CATSPERB: variants seen among roughly 807,000 people sequenced by gnomAD.
CATSPERB encodes the protein catsper channel auxiliary subunit beta.
Under a neutral mutation model 128.3 loss-of-function variants are expected in CATSPERB, and 93 were observed. That is an observed-to-expected ratio of 0.72 (90% CI 0.61 to 0.86). CATSPERB has a LOEUF of 0.86. CATSPERB is among the 40% of genes least tolerant of loss of function. The pLI is 0.00. For synonymous variants in CATSPERB, 381 were observed against 448.8 expected (o/e 0.85, Z 1.91); for missense variants, 1,153 against 1,329.5 (o/e 0.87, Z 2.06).
chr14:91,621,495 G>A (rs1894040579), intron 19 of CATSPERB, 113 bp downstream of exon 19: 7 of 801,318 alleles, frequency 8.7e-6, no homozygotes, highest in Non-Finnish European at 1.4e-5. Flanking sequence ...GTAGTAGAAT[G>A]CCAACAAGTA....
rs533927584 is a variant in CATSPERB, at chr14:91,700,577, C to T, written c.616+3975G>A. On this transcript the variant is annotated intron_variant, in intron 7 of 26. Coordinates refer to ENST00000256343, the MANE Select transcript of CATSPERB (RefSeq NM_024764.4). Reference sequence around the variant, plus strand: ...TTCATAGGTTGTAAAGACATGGAATCGACCTAAGTACTCATCAATGGTGGA... The same window carrying T: ...TTCATAGGTTGTAAAGACATGGAATTGACCTAAGTACTCATCAATGGTGGA... 2.0e-5 allele frequency among the ~76,000 whole-genome samples: 3 copies of T among 152,094 alleles called. No individual in the cohort carries two copies. In the South Asian group the frequency reaches 6.2e-4, roughly 32 times the overall value.
Position 91,661,524 on chromosome 14 carries a change from C to CATATATATATATATATAT in CATSPERB, c.1288-1561_1288-1544dup, listed in dbSNP as rs58330624. Reference sequence around the variant, plus strand: ...ATTAAGCTGCTGAGTCAGATGCTATCATATATATATATATATATATATATT... The same window carrying CATATATATATATATATAT: ...ATTAAGCTGCTGAGTCAGATGCTATCATATATATATATATATATATATATATATATATATATATATATT... On this transcript the variant is annotated intron_variant, in intron 14 of 26. Coordinates refer to ENST00000256343, the MANE Select transcript of CATSPERB (RefSeq NM_024764.4). 8.1e-3 allele frequency among the ~76,000 whole-genome samples: 1,029 copies of CATATATATATATATATAT among 126,884 alleles called. 13 individuals carry two copies. Among genetic ancestry groups the CATATATATATATATATAT allele is most frequent in the East Asian group, 0.014 (60 of 4,306 alleles). 83.2% of individuals were successfully genotyped at this position (126,884 alleles called of 152,430 possible).
At chr14:91,623,342 C>G (rs1429654134) in intron 18 of CATSPERB, among the ~76,000 whole-genome samples, 1 of 152,184 alleles carries the variant, frequency 6.6e-6, no homozygotes, top group African/African-American at 2.4e-5. Flanking sequence ...TAGTTCTACT[C>G]TGACCAGGCC....
At chr14:91,624,699 T>C (rs1013197359) in intron 18 of CATSPERB, 121 bp downstream of exon 18, 2 of 674,734 alleles carry the variant, frequency 3.0e-6, no homozygotes, top group Non-Finnish European at 4.5e-6. Context: ...CTTTGGTAGG[T>C]TGCCAGTTGG....
intron 22 of CATSPERB, among the ~76,000 whole-genome samples, chr14:91,602,278 T>C (rs1893618830): frequency 6.6e-6 from 1 of 152,178 alleles, no homozygotes; most frequent in African/African-American, 2.4e-5. Context: ...GGTAGGTTTA[T>C]GTAGTCATAA....
intron 19 of CATSPERB, among the ~76,000 whole-genome samples, chr14:91,619,213 T>C (rs1172958510): frequency 6.6e-6 from 1 of 152,202 alleles, no homozygotes; most frequent in Non-Finnish European, 1.5e-5. Flanking sequence ...TAAAGTTATA[T>C]TTTGAAATCA....
At chr14:91,675,991 C>A (rs1895186983) in intron 11 of CATSPERB, among the ~76,000 whole-genome samples, 1 of 152,168 alleles carries the variant, frequency 6.6e-6, no homozygotes, top group Admixed American at 6.5e-5. Flanking sequence ...ACAGTCCCAA[C>A]TCCAATTCTT....
At position 91,639,091 on chromosome 14, in the gene CATSPERB, C is replaced by T; in HGVS notation, c.1587+5G>A. 1.9e-6 allele frequency: 3 copies of T among 1,613,358 alleles called. No homozygotes were observed. Among genetic ancestry groups the T allele is most frequent in the Non-Finnish European group, 2.5e-6 (3 of 1,179,578 alleles). On this transcript the variant is annotated splice_donor_5th_base_variant and intron_variant, in intron 16 of 26. Coordinates refer to ENST00000256343, the MANE Select transcript of CATSPERB (RefSeq NM_024764.4). ...GCAAACTGTTTCAATGCATTATATA[C>T]TGACCTGTCCAAAAAGATTTCTAGA...
At chr14:91,692,536 T>C (rs1895490616) in intron 9 of CATSPERB, among the ~76,000 whole-genome samples, 1 of 152,182 alleles carries the variant, frequency 6.6e-6, no homozygotes. Flanking sequence ...AGAAAGATAA[T>C]AATTACCATG....
At chr14:91,726,340 C>T (rs567977807) in intron 2 of CATSPERB, among the ~76,000 whole-genome samples, 15 of 152,316 alleles carry the variant, frequency 9.8e-5, no homozygotes, top group East Asian at 1.9e-4. Flanking sequence ...CGTGCTCGTC[C>T]GGCTCCTGCA....
At position 91,593,409 on chromosome 14, in the gene CATSPERB, C is replaced by T. The variant is rs1167583707; in HGVS notation, c.2710-1407G>A. ...ATGGAGGCTGTACCCTGCAAAGCCA[C>T]AGGGGTGGAGCTGCCCAAAACCATG... On this transcript the variant is annotated intron_variant, in intron 22 of 26. Coordinates refer to ENST00000256343, the MANE Select transcript of CATSPERB (RefSeq NM_024764.4). Among the ~76,000 whole-genome samples the T allele has an allele frequency of 2.0e-5, 3 of 152,236 alleles. No individual in the cohort carries two copies. In the East Asian group the frequency reaches 5.8e-4, roughly 29 times the overall value.
chr14:91,650,234 G>A (rs1161004784), intron 15 of CATSPERB, among the ~76,000 whole-genome samples: 1 of 152,174 alleles, frequency 6.6e-6, no homozygotes, highest in Non-Finnish European at 1.5e-5. Context: ...CTTTAACTGA[G>A]CTTCCTAGAT....
chr14:91,665,866 C>A (rs1292597220), intron 14 of CATSPERB, among the ~76,000 whole-genome samples: 1 of 152,040 alleles, frequency 6.6e-6, no homozygotes, highest in African/African-American at 2.4e-5. Context: ...AACAAAAAAA[C>A]CCACAAAAAC....
Position 91,591,936 on chromosome 14 carries a change from G to C in CATSPERB, c.2776C>G (p.Gln926Glu), listed in dbSNP as rs1365664876. The C allele has an allele frequency of 3.7e-6, 6 of 1,613,896 alleles. No homozygotes were observed. The highest frequency in any genetic ancestry group is 5.1e-6 in the Non-Finnish European group (6 of 1,179,964). ...AAAGCAACAGCATGTGAAAACTTCT[G>C]ATCCTTTGTGCAGTTACACTCCTCC... The part of the protein sequence containing the change: ...TREECNCTKD[Q>E]KFSHAVAFSD... The change falls in exon 23 of 27, where the codon CAG becomes GAG. Residue 926 changes from glutamine to glutamate, a missense_variant. Gln to Glu is a conservative substitution (Grantham distance 29, BLOSUM62 2). Coordinates refer to ENST00000256343, the MANE Select transcript of CATSPERB (RefSeq NM_024764.4).
At chr14:91,674,104 A>G (rs1895149975) in intron 12 of CATSPERB, 72 bp downstream of exon 12, 1 of 854,904 alleles carries the variant, frequency 1.2e-6, no homozygotes, top group Admixed American at 2.4e-5. Context: ...CATTTTTTAG[A>G]TTAATCCCAA....
chr14:91,690,457 T>G lies in CATSPERB; in HGVS notation c.864+1066A>C, dbSNP rs144408650. ...TTACATTCCAGTTTTCCTCACTGTT[T>G]CTGGCATCCTACTCCTTCATGGGAA... On this transcript the variant is annotated intron_variant, in intron 10 of 26. Transcript: ENST00000256343. Among the ~76,000 whole-genome samples, 611 of 152,304 alleles carry G rather than the reference T, an allele frequency of 4.0e-3. 7 individuals are homozygous for G. Among genetic ancestry groups the G allele is most frequent in the African/African-American group, 0.014 (571 of 41,550 alleles).
chr14:91,610,454 C>T (rs771847430), intron 21 of CATSPERB, 26 bp downstream of exon 21: 3 of 1,597,040 alleles, frequency 1.9e-6, no homozygotes, highest in Non-Finnish European at 2.6e-6. Context: ...CTTCTTAAAC[C>T]AATATACTTA....
chr14:91,730,513 AAC>A (rs1356248454), intron 1 of CATSPERB, among the ~76,000 whole-genome samples: 1 of 152,310 alleles, frequency 6.6e-6, no homozygotes, highest in East Asian at 1.9e-4. Flanking sequence ...CTAGAAAACT[AAC>A]ACAGCATCCA....
At chr14:91,585,007 CTTTTTATTTTTAT>C (rs1893272731) in intron 26 of CATSPERB, among the ~76,000 whole-genome samples, 2 of 151,284 alleles carry the variant, frequency 1.3e-5, no homozygotes, top group Admixed American at 1.3e-4. Flanking sequence ...TCTTCTTCTT[CTTTTTATTTTTAT>C]TTTTTATTTT....
Sources: gnomAD v4.1 joint callset for allele counts (sites outside exome capture counted in the v4.1 genomes callset) on GRCh38, gnomAD v4.1.1 for gene constraint, MANE v1.5 for transcripts, NCBI Gene and HGNC (gene_info 2026-07-23, HGNC 2026-07-21) for gene names.